PLEKHG1: variants seen among roughly 807,000 people sequenced by gnomAD.
The protein encoded by PLEKHG1 is pleckstrin homology and RhoGEF domain containing G1.
Under a neutral mutation model 100.8 loss-of-function variants are expected in PLEKHG1, and 44 were observed. That is an observed-to-expected ratio of 0.44 (90% CI 0.34 to 0.56). The LOEUF is 0.56. Among genes scored for constraint, PLEKHG1 ranks in the 20% least tolerant of loss-of-function variants. The pLI, the probability that PLEKHG1 is intolerant of heterozygous loss-of-function variation, is 0.01. For missense variants in PLEKHG1, 1,545 were observed against 1,720.9 expected (o/e 0.90, Z 1.81); for synonymous variants, 640 against 662.5 (o/e 0.97, Z 0.52).
At chr6:150,758,740 T>G (rs1783992000) in intron 2 of PLEKHG1, among the ~76,000 whole-genome samples, 1 of 152,248 alleles carries the variant, frequency 6.6e-6, no homozygotes, top group African/African-American at 2.4e-5. Flanking sequence ...GAGCTTTTTT[T>G]CATATGTTGT....
intron 3 of PLEKHG1, among the ~76,000 whole-genome samples, chr6:150,704,039 C>A (rs112764236): frequency 0.042 from 6,451 of 152,230 alleles, 438 homozygotes; most frequent in African/African-American, 0.15. Flanking sequence ...CAAAGTGCAA[C>A]AATTGCAAAT....
At chr6:150,630,053 T>C (rs563311452) in intron 1 of PLEKHG1, among the ~76,000 whole-genome samples, 32 of 152,328 alleles carry the variant, frequency 2.1e-4, no homozygotes, top group African/African-American at 7.7e-4. Context: ...AGGGGATTAC[T>C]GGTGATGCCA....
At chr6:150,832,342 CA>C in intron 15 of PLEKHG1, 137 bp downstream of exon 16, 1 of 684,362 alleles carries the variant, frequency 1.5e-6, no homozygotes. Context: ...AGACCACAGA[CA>C]AAGCCATACT....
chr6:150,742,956 G>A (rs1009568825), intron 2 of PLEKHG1, among the ~76,000 whole-genome samples: 2 of 152,150 alleles, frequency 1.3e-5, no homozygotes, highest in Admixed American at 6.6e-5. Flanking sequence ...GACGGGCAAG[G>A]AGACATGGAG....
chr6:150,841,543 C>T (rs896340064), exon 16 of PLEKHG1: 1 of 152,940 alleles, frequency 6.5e-6, no homozygotes, highest in African/African-American at 2.4e-5. Flanking sequence ...TACCTGTATT[C>T]CTGGACAAGG....
intron 7 of PLEKHG1, among the ~76,000 whole-genome samples, chr6:150,806,611 G>A (rs990192632): frequency 8.6e-5 from 13 of 151,110 alleles, no homozygotes; most frequent in South Asian, 2.1e-4. Flanking sequence ...GCTTGAACCC[G>A]GGAGGTGGAT....
rs557843871 is a variant in PLEKHG1 at position 150,666,230 on chromosome 6, A to C, written c.-99+15444A>C. 3.3e-4 allele frequency among the ~76,000 whole-genome samples: 50 copies of C among 152,314 alleles called. No homozygotes were observed. The East Asian group carries it at 8.9e-3, about 27-fold the overall frequency. ...TCAGATGTTCCACTTTCTGCAATCC[A>C]ATGGAGTTGTGGTTGTCTGAAGTCA... On this transcript the variant is annotated intron_variant, in intron 3 of 3. Transcript: ENST00000367326.
chr6:150,684,183 CG>C (rs1480102897), intron 3 of PLEKHG1, among the ~76,000 whole-genome samples: 1 of 152,158 alleles, frequency 6.6e-6, no homozygotes, highest in Non-Finnish European at 1.5e-5. Context: ...ATGTGGAAAG[CG>C]TTAGAAAATG....
rs551470698 is a variant in PLEKHG1 at position 150,761,339 on chromosome 6, T to G, written c.412-7299T>G. ...CAGGATGGTCTCGATTACTTGACCT[T>G]GTGATCCACCCAGGCTGGAGTGCAG... is the stretch of plus-strand genomic sequence containing the variant. On this transcript the variant is annotated intron_variant, in intron 2 of 15. Transcript: ENST00000358517. Among the ~76,000 whole-genome samples, 14 of 151,686 alleles carry G rather than the reference T, an allele frequency of 9.2e-5. No individual in the cohort carries two copies. In the East Asian group the frequency reaches 2.7e-3, roughly 30 times the overall value.
chr6:150,659,292 T>C (rs980528389), intron 3 of PLEKHG1, among the ~76,000 whole-genome samples: 2 of 151,830 alleles, frequency 1.3e-5, no homozygotes, highest in African/African-American at 4.8e-5. Context: ...TCCAAGGCAT[T>C]TTTTTTTTCA....
At chr6:150,826,365 G>A (rs1018110685) in intron 14 of PLEKHG1, among the ~76,000 whole-genome samples, 1 of 152,198 alleles carries the variant, frequency 6.6e-6, no homozygotes, top group Admixed American at 6.5e-5. Context: ...GGCTGAGGCA[G>A]GAGAATCACT....
At position 150,830,809 on chromosome 6, in the gene PLEKHG1, T is replaced by A; in HGVS notation, c.1698T>A (p.Phe566Leu). Residue 566 changes from phenylalanine to leucine, a missense_variant, in exon 15 of 16, where the codon TTT becomes TTA. Coordinates refer to ENST00000358517, the Ensembl canonical transcript of PLEKHG1. The stretch of plus-strand genomic sequence containing the variant: ...ATTATCAGATGTTCGTGCCGTCATT[T>A]TCCTCCTCAGATCTGAACTCTACCA... 1.9e-6 allele frequency: 3 copies of A among 1,614,168 alleles called. No individual in the cohort carries two copies. The East Asian group carries it at 6.7e-5, about 36-fold the overall frequency.
chr6:150,751,856 G>A (rs975256891), intron 2 of PLEKHG1, among the ~76,000 whole-genome samples: 16 of 152,268 alleles, frequency 1.1e-4, no homozygotes, highest in African/African-American at 2.2e-4. Flanking sequence ...AGCCTAAATA[G>A]CAAGGGAAAT....
chr6:150,709,892 C>T (rs370511805), intron 3 of PLEKHG1, among the ~76,000 whole-genome samples: 1 of 152,200 alleles, frequency 6.6e-6, no homozygotes, highest in East Asian at 1.9e-4. Context: ...TTCAAGTGAT[C>T]CTCCCACCTC....
chr6:150,628,291 T>C (rs1014115504), intron 1 of PLEKHG1, among the ~76,000 whole-genome samples: 3 of 152,124 alleles, frequency 2.0e-5, no homozygotes, highest in African/African-American at 7.2e-5. Flanking sequence ...TGAGTGGAAT[T>C]TTCTGTTTTA....
At chr6:150,671,658 C>A (rs940353139) in intron 3 of PLEKHG1, among the ~76,000 whole-genome samples, 3 of 152,186 alleles carry the variant, frequency 2.0e-5, no homozygotes, top group African/African-American at 7.2e-5. Flanking sequence ...GTTTAAAAAA[C>A]CCCAAGTATA....
intron 1 of PLEKHG1, among the ~76,000 whole-genome samples, chr6:150,619,766 C>G (rs887995240): frequency 6.6e-6 from 1 of 152,076 alleles, no homozygotes; most frequent in African/African-American, 2.4e-5. Flanking sequence ...TTTCTTTCAC[C>G]CTTCTACATT....
intron 6 of PLEKHG1, among the ~76,000 whole-genome samples, chr6:150,802,422 A>G (rs1786765366): frequency 6.6e-6 from 1 of 152,176 alleles, no homozygotes; most frequent in Admixed American, 6.5e-5. Context: ...ATGGTCTTCT[A>G]GACAGTAAGA....
intron 3 of PLEKHG1, among the ~76,000 whole-genome samples, chr6:150,771,439 A>G (rs1042596922): frequency 3.6e-4 from 55 of 152,116 alleles, no homozygotes; most frequent in African/African-American, 1.3e-3. Flanking sequence ...GAATGAATGA[A>G]TGAACGAACG....
Sources: allele counts gnomAD v4.1 joint callset (sites outside exome capture counted in the v4.1 genomes callset), GRCh38; gene constraint gnomAD v4.1.1; transcripts MANE v1.5; gene names NCBI Gene and HGNC (gene_info 2026-07-23, HGNC 2026-07-21).